The following RBFOX3 variants were observed in gnomAD, a reference collection of about 807,000 sequenced individuals.
RBFOX3 encodes the protein RNA binding fox-1 homolog 3.
Under a neutral mutation model 48.7 loss-of-function variants are expected in RBFOX3, and 17 were observed. The observed-to-expected ratio is 0.35, with a 90% CI of 0.24 to 0.52. RBFOX3 has a LOEUF of 0.52. Ranked by LOEUF, RBFOX3 falls within the 20% of genes least tolerant of loss-of-function variation. The pLI, the probability that RBFOX3 is intolerant of heterozygous loss-of-function variation, is 0.94. For synonymous variants in RBFOX3, 212 were observed against 209.5 expected, an observed-to-expected ratio of 1.01 and a Z score of -0.10; for missense variants, 382 against 497.5, an observed-to-expected ratio of 0.77 and a Z score of 2.21.
At chr17:79,580,415 C>T (rs1230884256) in intron 1 of RBFOX3, among the ~76,000 whole-genome samples, 16 of 151,950 alleles carry the variant, frequency 1.1e-4, no homozygotes, top group Admixed American at 9.2e-4. Flanking sequence ...TAAACCACAG[C>T]CCCCCAGCCA....
intron 2 of RBFOX3, among the ~76,000 whole-genome samples, chr17:79,374,698 G>C (rs1329360422): frequency 6.6e-6 from 1 of 152,212 alleles, no homozygotes; most frequent in African/African-American, 2.4e-5. Context: ...ACGTGTAGGT[G>C]TGCCTGGCTT....
rs1477216075 is a variant in RBFOX3 at position 79,115,698 on chromosome 17, G to T, written c.18C>A (p.Pro6=). The T allele has an allele frequency of 2.8e-6, 2 of 725,234 alleles. No individual in the cohort carries two copies. Among genetic ancestry groups the T allele is most frequent in the Non-Finnish European group, 4.4e-6 (2 of 449,790 alleles). The allele number at this position is 725,234 out of a possible 1,614,324, so 44.9% of individuals were successfully genotyped here. Residue 6 remains proline (P), a synonymous_variant, in exon 5 of 15, where the codon CCC becomes CCA. Coordinates refer to ENST00000693108, the MANE Select transcript of RBFOX3 (RefSeq NM_001350451.2). ...GTGGCGGAGGGGGGTACTGGGCGGG[G>T]GGGTAGGGCTGGGCCATCGCTTCAG... is the stretch of plus-strand genomic sequence containing the variant. MAQPY[P]PAQYPPPPQN...
At chr17:79,099,349 A>C (rs2076002981) in intron 9 of RBFOX3, 1 of 152,228 alleles carries the variant, frequency 6.6e-6, no homozygotes, top group Admixed American at 6.5e-5. Context: ...CTGGTCTTGA[A>C]GTCCTGGGCT....
chr17:79,340,020 C>T (rs193163193), intron 2 of RBFOX3, among the ~76,000 whole-genome samples: 6 of 152,230 alleles, frequency 3.9e-5, no homozygotes, highest in African/African-American at 9.6e-5. Flanking sequence ...GAGCATGGGC[C>T]GGGCACGGCG....
At chr17:79,122,030 T>C (rs1390194853) in intron 4 of RBFOX3, among the ~76,000 whole-genome samples, 4 of 151,978 alleles carry the variant, frequency 2.6e-5, no homozygotes, top group Admixed American at 6.6e-5. Flanking sequence ...ATCTCTGAGG[T>C]CTTCCCCATC....
In RBFOX3 at chr17:79,336,528, G is replaced by A. The variant is rs2081226762; in HGVS notation, c.-174-28704C>T. On this transcript the variant is annotated intron_variant, in intron 2 of 14. Transcript: ENST00000693108. ...CGCATGGAGACAGAACTGTGCAAAGGGTTGGGTCACATTCAGCTGTCTGGA... is the reference window on the plus strand; with the variant it reads ...CGCATGGAGACAGAACTGTGCAAAGAGTTGGGTCACATTCAGCTGTCTGGA... Among the ~76,000 whole-genome samples the A allele has an allele frequency of 3.3e-5, 5 of 152,224 alleles. No individual in the cohort carries two copies. In the South Asian group the frequency reaches 1.0e-3, roughly 31 times the overall value.
chr17:79,439,509 G>A (rs1487943145), intron 2 of RBFOX3, among the ~76,000 whole-genome samples: 4 of 152,244 alleles, frequency 2.6e-5, no homozygotes, highest in Non-Finnish European at 5.9e-5. Flanking sequence ...ATTTTGAGAA[G>A]TTTCCAGGAG....
intron 4 of RBFOX3, among the ~76,000 whole-genome samples, chr17:79,138,783 GCC>G (rs1568206948): frequency 2.5e-3 from 48 of 19,078 alleles, no homozygotes; most frequent in African/African-American, 2.9e-3. Context: ...CACAGCACAT[GCC>G]TTCACGCCCC....
chr17:79,561,122 G>A lies in RBFOX3; in HGVS notation c.-320+49704C>T, dbSNP rs1248949290. Among the ~76,000 whole-genome samples, 14 of 152,320 alleles carry A rather than the reference G, an allele frequency of 9.2e-5. No homozygotes were observed. The East Asian group carries it at 2.7e-3, about 29-fold the overall frequency. ...GCACTACAGTGAGTCCAAAAGAGGAGTCTCAAAATCTTTAGAGATTTGGAA... is the reference window on the plus strand; with the variant it reads ...GCACTACAGTGAGTCCAAAAGAGGAATCTCAAAATCTTTAGAGATTTGGAA... On this transcript the variant is annotated intron_variant, in intron 1 of 14. Coordinates refer to ENST00000693108, the MANE Select transcript of RBFOX3 (RefSeq NM_001350451.2).
intron 4 of RBFOX3, among the ~76,000 whole-genome samples, chr17:79,182,838 T>A (rs1182077470): frequency 6.8e-6 from 1 of 147,060 alleles, no homozygotes; most frequent in Non-Finnish European, 1.5e-5. Flanking sequence ...CCGCCACCTC[T>A]GCGCGCCCCC....
At chr17:79,303,063 G>A (rs773590382) in intron 3 of RBFOX3, among the ~76,000 whole-genome samples, 2 of 152,102 alleles carry the variant, frequency 1.3e-5, no homozygotes, top group Non-Finnish European at 2.9e-5. Flanking sequence ...ACAAAAATTA[G>A]ATGGTTTTGA....
intron 2 of RBFOX3, among the ~76,000 whole-genome samples, chr17:79,331,341 G>A (rs1365967785): frequency 6.6e-6 from 1 of 152,058 alleles, no homozygotes; most frequent in East Asian, 1.9e-4. Flanking sequence ...TGGCCACACT[G>A]CCTCTCCCCT....
intron 4 of RBFOX3, among the ~76,000 whole-genome samples, chr17:79,178,636 G>A (rs9911581): frequency 0.3 from 44,904 of 152,058 alleles, 7,091 homozygotes; most frequent in East Asian, 0.42. Context: ...AGCTGCCAAG[G>A]AATGAAACTG....
chr17:79,286,442 C>G (rs542310537), intron 3 of RBFOX3, among the ~76,000 whole-genome samples: 305 of 152,330 alleles, frequency 2.0e-3, no homozygotes, highest in Middle Eastern at 3.4e-3. Flanking sequence ...TTCTCTCCCC[C>G]TGCAGCCTGC....
At position 79,157,457 on chromosome 17, in the gene RBFOX3, T is replaced by C. The variant is rs570132379; in HGVS notation, c.-33-41709A>G. 2.2e-3 allele frequency among the ~76,000 whole-genome samples: 330 copies of C among 152,340 alleles called. 1 individual carries two copies. Among genetic ancestry groups the C allele is most frequent in the Non-Finnish European group, 3.4e-3 (234 of 68,022 alleles). On this transcript the variant is annotated intron_variant, in intron 4 of 14. Coordinates refer to ENST00000693108, the MANE Select transcript of RBFOX3 (RefSeq NM_001350451.2). ...CGAGGGAACCTGCCAAGAACACAGA[T>C]GCCTGGCTTCCCCCTGGGTCACCAA...
chr17:79,233,696 T>A (rs2061302408), intron 4 of RBFOX3: 1 of 151,910 alleles, frequency 6.6e-6, no homozygotes, highest in Admixed American at 6.6e-5. Context: ...AACCTCTGCC[T>A]CCCGGGTTCA....
intron 2 of RBFOX3, among the ~76,000 whole-genome samples, chr17:79,400,326 G>A (rs1202914763): frequency 6.6e-6 from 1 of 152,136 alleles, no homozygotes. Flanking sequence ...CCACCCGAGG[G>A]GCTCCCGGGC....
chr17:79,160,135 G>A (rs1599735723), intron 4 of RBFOX3, among the ~76,000 whole-genome samples: 1 of 152,256 alleles, frequency 6.6e-6, no homozygotes, highest in African/African-American at 2.4e-5. Flanking sequence ...CCTGAGATCT[G>A]TGAGTAGATG....
chr17:79,529,622 G>A (rs1555786802), intron 1 of RBFOX3, among the ~76,000 whole-genome samples: 1 of 152,212 alleles, frequency 6.6e-6, no homozygotes, highest in Non-Finnish European at 1.5e-5. Flanking sequence ...CTTGTGTGAG[G>A]TCAAGGGGTA....
Sources: gnomAD v4.1 joint callset for allele counts (sites outside exome capture counted in the v4.1 genomes callset) on GRCh38, gnomAD v4.1.1 for gene constraint, MANE v1.5 for transcripts, NCBI Gene and HGNC (gene_info 2026-07-23, HGNC 2026-07-21) for gene names.